Variants in CTNNA2 observed in about 807,000 individuals in gnomAD.
The protein encoded by CTNNA2 is catenin alpha-2.
In CTNNA2, 42 loss-of-function variants were observed where a neutral mutation model predicts 101.0. The ratio of observed to expected loss-of-function variants is 0.42; its 90% CI spans 0.32 to 0.54. The LOEUF is 0.54. Among genes scored for constraint, CTNNA2 ranks in the 20% least tolerant of loss-of-function variants. The probability of loss-of-function intolerance (pLI) is 0.14; values close to 1 mark genes in which losing one functional copy is unlikely to be tolerated. For synonymous variants in CTNNA2, 450 were observed against 456.4 expected (o/e 0.99, Z 0.18); for missense variants, 871 against 1,223.1 (o/e 0.71, Z 4.29).
intron 7 of CTNNA2, among the ~76,000 whole-genome samples, chr2:79,974,853 G>A (rs1262809654): frequency 6.6e-6 from 1 of 152,160 alleles, no homozygotes; most frequent in Non-Finnish European, 1.5e-5. Flanking sequence ...GTCAGACGAA[G>A]CGTAGGAGGG....
At chr2:79,357,607 C>G (rs1677536658) in intron 3 of CTNNA2, among the ~76,000 whole-genome samples, 1 of 151,960 alleles carries the variant, frequency 6.6e-6, no homozygotes, top group Admixed American at 6.6e-5. Context: ...TGAAAGACAG[C>G]CAACCAAAGA....
At chr2:79,731,484 A>G (rs1687190328) in intron 2 of CTNNA2, among the ~76,000 whole-genome samples, 1 of 152,128 alleles carries the variant, frequency 6.6e-6, no homozygotes, top group Admixed American at 6.6e-5. Flanking sequence ...CCATACAGGT[A>G]TAAAAGACAA....
At chr2:79,982,086 T>G (rs1299055054) in intron 7 of CTNNA2, among the ~76,000 whole-genome samples, 1 of 149,544 alleles carries the variant, frequency 6.7e-6, no homozygotes, top group African/African-American at 2.5e-5. Context: ...TTATCCAGGC[T>G]GGAGTGCAGT....
At chr2:80,325,570 G>A (rs1441933566) in intron 7 of CTNNA2, among the ~76,000 whole-genome samples, 1 of 152,136 alleles carries the variant, frequency 6.6e-6, no homozygotes, top group Non-Finnish European at 1.5e-5. Flanking sequence ...AACAAAAGCA[G>A]CATCAGAGAA....
chr2:79,974,412 A>G (rs939845029), intron 7 of CTNNA2, among the ~76,000 whole-genome samples: 6 of 152,158 alleles, frequency 3.9e-5, no homozygotes, highest in African/African-American at 1.4e-4. Flanking sequence ...TTTCTGTGTT[A>G]CTTAAGACAT....
intron 7 of CTNNA2, among the ~76,000 whole-genome samples, chr2:80,368,709 T>C (rs1223946008): frequency 6.6e-6 from 1 of 151,872 alleles, no homozygotes; most frequent in Non-Finnish European, 1.5e-5. Context: ...TAGGGGCATA[T>C]TCTAAATATC....
At chr2:79,310,755 A>C (rs1410660796) in intron 2 of CTNNA2, among the ~76,000 whole-genome samples, 2 of 152,226 alleles carry the variant, frequency 1.3e-5, no homozygotes, top group African/African-American at 4.8e-5. Context: ...AGTGGAAGAG[A>C]GACTGGGGGC....
intron 7 of CTNNA2, among the ~76,000 whole-genome samples, chr2:80,329,782 A>C (rs1479013213): frequency 6.6e-6 from 1 of 152,208 alleles, no homozygotes. Flanking sequence ...GTGACTGTCC[A>C]TAGGGGAATG....
intron 4 of CTNNA2, among the ~76,000 whole-genome samples, chr2:79,466,399 G>A (rs1670936647): frequency 6.6e-6 from 1 of 152,210 alleles, no homozygotes; most frequent in Admixed American, 6.5e-5. Flanking sequence ...ACTGGGTGGA[G>A]CCCACCACAG....
chr2:79,287,927 C>T (rs1354825205), intron 2 of CTNNA2, among the ~76,000 whole-genome samples: 1 of 152,240 alleles, frequency 6.6e-6, no homozygotes, highest in African/African-American at 2.4e-5. Flanking sequence ...CCCTCTGAGC[C>T]AGGTGCGGGA....
intron 12 of CTNNA2, among the ~76,000 whole-genome samples, chr2:80,557,774 GCTTAGTTGATTGT>G (rs1194263612): frequency 6.6e-6 from 1 of 152,128 alleles, no homozygotes; most frequent in African/African-American, 2.4e-5. Context: ...AAGGACAATT[GCTTAGTTGATTGT>G]AATATTTTAA....
intron 1 of CTNNA2, among the ~76,000 whole-genome samples, chr2:79,526,511 T>C (rs985194297): frequency 4.6e-5 from 7 of 151,994 alleles, no homozygotes; most frequent in East Asian, 3.9e-4. Context: ...AAAATAAGAA[T>C]AGTCTGAAAC....
chr2:80,142,465 G>A (rs1269663687), intron 7 of CTNNA2, among the ~76,000 whole-genome samples: 1 of 152,078 alleles, frequency 6.6e-6, no homozygotes, highest in Non-Finnish European at 1.5e-5. Context: ...CCTAAAATGA[G>A]GAGCAACAAG....
At chr2:79,455,134 C>T (rs527545970) in intron 4 of CTNNA2, among the ~76,000 whole-genome samples, 2 of 152,290 alleles carry the variant, frequency 1.3e-5, no homozygotes, top group South Asian at 2.1e-4. Flanking sequence ...TTAAAAATGA[C>T]TATGCTCATC....
chr2:80,345,187 T>C (rs185217713), intron 7 of CTNNA2, among the ~76,000 whole-genome samples: 53 of 152,314 alleles, frequency 3.5e-4, no homozygotes, highest in African/African-American at 1.1e-3. Flanking sequence ...CAGTGGTCTA[T>C]AGCTGCCACA....
intron 6 of CTNNA2, among the ~76,000 whole-genome samples, chr2:79,900,760 T>C (rs1685017478): frequency 6.6e-6 from 1 of 152,132 alleles, no homozygotes; most frequent in Non-Finnish European, 1.5e-5. Context: ...GAAGAGCCAA[T>C]AATAATTCAT....
intron 3 of CTNNA2, among the ~76,000 whole-genome samples, chr2:79,812,490 A>C (rs1234690516): frequency 6.6e-6 from 1 of 152,208 alleles, no homozygotes; most frequent in Admixed American, 6.5e-5. Flanking sequence ...TGCAATGATC[A>C]CAATGATCAC....
At chr2:79,283,809 G>A (rs1253439401) in intron 2 of CTNNA2, among the ~76,000 whole-genome samples, 1 of 113,830 alleles carries the variant, frequency 8.8e-6, no homozygotes, top group African/African-American at 3.1e-5. Context: ...GGCATTGGTA[G>A]CTTGATGGGG....
intron 6 of CTNNA2, among the ~76,000 whole-genome samples, chr2:79,885,323 T>A (rs1315589353): frequency 6.6e-6 from 1 of 152,220 alleles, no homozygotes; most frequent in Non-Finnish European, 1.5e-5. Context: ...TTTTTATGTT[T>A]TTTGAGTATT....
Sources: allele counts gnomAD v4.1 joint callset (sites outside exome capture counted in the v4.1 genomes callset), GRCh38; gene constraint gnomAD v4.1.1; transcripts MANE v1.5; gene names NCBI Gene and HGNC (gene_info 2026-07-23, HGNC 2026-07-21).